The following DLG2 variants were observed in gnomAD, a reference collection of about 807,000 sequenced individuals.
DLG2 encodes the protein disks large homolog 2.
DLG2 carries 45 observed loss-of-function variants against 132.5 expected under a neutral mutation model. That is an observed-to-expected ratio of 0.34 (90% CI 0.27 to 0.44). The LOEUF (loss-of-function observed/expected upper bound fraction) is 0.44. DLG2 is among the 20% of genes least tolerant of loss of function. The probability of loss-of-function intolerance (pLI) is 1.00; values close to 1 mark genes in which losing one functional copy is unlikely to be tolerated. For synonymous variants in DLG2, 424 were observed against 419.6 expected (o/e 1.01, Z -0.13); for missense variants, 1,045 against 1,196.9 (o/e 0.87, Z 1.87).
At position 85,389,906 on chromosome 11, in the gene DLG2, C is replaced by T. The variant is rs552328972; in HGVS notation, c.41-104541G>A. On this transcript the variant is annotated intron_variant, in intron 3 of 27. Transcript: ENST00000376104. The stretch of plus-strand genomic sequence containing the variant: ...TCCTTGAAATACACCAAAATAGGAT[C>T]TCCTTAAGGCATGAATCTCACAGGA... Among the ~76,000 whole-genome samples the T allele has an allele frequency of 1.1e-4, 16 of 152,204 alleles. No individual in the cohort carries two copies. In the South Asian group the frequency reaches 2.5e-3, roughly 24 times the overall value.
At chr11:84,525,405 T>A (rs892643034) in intron 7 of DLG2, among the ~76,000 whole-genome samples, 1 of 152,180 alleles carries the variant, frequency 6.6e-6, no homozygotes, top group Non-Finnish European at 1.5e-5. Flanking sequence ...GGTCAAATTT[T>A]AAAAATTGTA....
At chr11:83,703,651 A>G (rs1301211922) in intron 18 of DLG2, among the ~76,000 whole-genome samples, 1 of 152,214 alleles carries the variant, frequency 6.6e-6, no homozygotes, top group African/African-American at 2.4e-5. Flanking sequence ...CTCTGTCTCA[A>G]AAAAAATCAA....
intron 6 of DLG2, among the ~76,000 whole-genome samples, chr11:84,612,711 AAGT>A (rs2099597523): frequency 6.6e-6 from 1 of 152,158 alleles, no homozygotes; most frequent in African/African-American, 2.4e-5. Context: ...AATTAAAAAG[AAGT>A]AATAATATTT....
intron 3 of DLG2, among the ~76,000 whole-genome samples, chr11:85,347,927 C>T (rs1013488082): frequency 4.7e-5 from 7 of 147,566 alleles, no homozygotes; most frequent in Admixed American, 1.4e-4. Context: ...CCTCAGCCTC[C>T]CAAGTAGTTG....
intron 6 of DLG2, among the ~76,000 whole-genome samples, chr11:85,054,043 G>T (rs1179262917): frequency 1.3e-5 from 2 of 151,814 alleles, no homozygotes; most frequent in African/African-American, 2.4e-5. Flanking sequence ...GAGGCGGGTG[G>T]ATCACAACGT....
rs113666112 is a variant in DLG2, at chr11:84,140,383, C to G, written c.624+23078G>C. Among the ~76,000 whole-genome samples the G allele has an allele frequency of 5.0e-3, 755 of 152,200 alleles. 6 individuals carry two copies. The highest frequency in any genetic ancestry group is 0.017 in the African/African-American group (721 of 41,534). On this transcript the variant is annotated intron_variant, in intron 9 of 27. Coordinates refer to ENST00000376104, the MANE Select transcript of DLG2 (RefSeq NM_001142699.3). Reference sequence around the variant, plus strand: ...AATATGAGATGTATCATAATATATACATTATGTCAAACAAGTAAAACAATA... The same window carrying G: ...AATATGAGATGTATCATAATATATAGATTATGTCAAACAAGTAAAACAATA...
At chr11:85,614,998 T>A (rs1334000405) in intron 2 of DLG2, among the ~76,000 whole-genome samples, 1 of 152,226 alleles carries the variant, frequency 6.6e-6, no homozygotes, top group Non-Finnish European at 1.5e-5. Context: ...TTCTTTGCAA[T>A]TATACTTTAC....
At chr11:84,278,650 T>C (rs920193126) in intron 7 of DLG2, among the ~76,000 whole-genome samples, 3 of 152,150 alleles carry the variant, frequency 2.0e-5, no homozygotes, top group African/African-American at 7.2e-5. Context: ...GTAGGCTTTA[T>C]CCTGGGAATA....
chr11:83,457,419 T>C lies in DLG2; in HGVS notation c.*2399A>G, dbSNP rs983908845. The C allele has an allele frequency of 6.6e-6, 1 of 152,606 alleles. No individual in the cohort carries two copies. Among genetic ancestry groups the C allele is most frequent in the South Asian group, 2.1e-4 (1 of 4,830 alleles). The allele number at this position is 152,606 out of a possible 1,614,324, so 9.5% of individuals were successfully genotyped here. A position where few individuals can be genotyped will look rare whatever the true frequency, so the allele number is the denominator to read the frequency against. On this transcript the variant is annotated 3_prime_UTR_variant, in exon 28 of 28. Coordinates refer to ENST00000376104, the MANE Select transcript of DLG2 (RefSeq NM_001142699.3). ...TTCTTCAAGCAAATATATATGTATC[T>C]ATATATTTATATAAATCTACATAAA...
intron 9 of DLG2, among the ~76,000 whole-genome samples, chr11:84,141,711 A>G (rs1210450067): frequency 6.6e-6 from 1 of 152,094 alleles, no homozygotes; most frequent in Admixed American, 6.6e-5. Context: ...TTATTTAACT[A>G]CTAGAGGCTC....
chr11:83,675,526 A>G (rs2077530222), intron 18 of DLG2, among the ~76,000 whole-genome samples: 1 of 152,218 alleles, frequency 6.6e-6, no homozygotes, highest in South Asian at 2.1e-4. Flanking sequence ...TGTTCAAAAT[A>G]CAATAATTCT....
At chr11:85,363,072 A>G (rs1016527095) in intron 3 of DLG2, among the ~76,000 whole-genome samples, 8 of 152,244 alleles carry the variant, frequency 5.3e-5, no homozygotes, top group Non-Finnish European at 1.0e-4. Context: ...ATTAGTGAAC[A>G]AAAGAGTGTT....
At chr11:84,543,987 C>G in intron 6 of DLG2, among the ~76,000 whole-genome samples, 1 of 152,204 alleles carries the variant, frequency 6.6e-6, no homozygotes, top group East Asian at 1.9e-4. Flanking sequence ...TAATTACCTA[C>G]TATGGACTAG....
intron 26 of DLG2, among the ~76,000 whole-genome samples, chr11:83,466,240 G>T (rs2091015029): frequency 6.6e-6 from 1 of 151,542 alleles, no homozygotes; most frequent in Non-Finnish European, 1.5e-5. Flanking sequence ...AACGTTGTCT[G>T]CTCTCTCTAT....
At position 84,666,942 on chromosome 11, in the gene DLG2, T is replaced by C. The variant is rs572914967; in HGVS notation, c.358-132211A>G. 1.8e-3 allele frequency among the ~76,000 whole-genome samples: 270 copies of C among 152,288 alleles called. 2 individuals are homozygous for C. The highest frequency in any genetic ancestry group is 2.1e-3 in the Non-Finnish European group (145 of 68,016). ...TGCACTACTGAATATCAGCTTCATTTCATGGTAGAGAAAATTTATGTGTTG... is the reference window on the plus strand; with the variant it reads ...TGCACTACTGAATATCAGCTTCATTCCATGGTAGAGAAAATTTATGTGTTG... On this transcript the variant is annotated intron_variant, in intron 6 of 27. Transcript: ENST00000376104.
intron 7 of DLG2, among the ~76,000 whole-genome samples, chr11:84,351,840 A>G (rs1285765301): frequency 6.6e-6 from 1 of 152,192 alleles, no homozygotes; most frequent in Non-Finnish European, 1.5e-5. Flanking sequence ...GGAGAAGTAG[A>G]ATGGACGCAC....
chr11:84,889,876 C>T (rs1023284403), intron 6 of DLG2, among the ~76,000 whole-genome samples: 2 of 152,148 alleles, frequency 1.3e-5, no homozygotes, highest in African/African-American at 4.8e-5. Context: ...TTTGCCAAGA[C>T]ACATGGCAGA....
chr11:85,273,253 T>C (rs1263814477), intron 4 of DLG2, among the ~76,000 whole-genome samples: 1 of 151,844 alleles, frequency 6.6e-6, no homozygotes, highest in Non-Finnish European at 1.5e-5. Context: ...AATTGACAAA[T>C]GGGATCTAAT....
intron 3 of DLG2, among the ~76,000 whole-genome samples, chr11:85,378,548 G>A (rs1306009965): frequency 1.3e-5 from 2 of 151,934 alleles, no homozygotes; most frequent in Non-Finnish European, 2.9e-5. Flanking sequence ...ATCATCCTTA[G>A]CTGTTAAATA....
Sources: gnomAD v4.1 joint callset for allele counts (sites outside exome capture counted in the v4.1 genomes callset) on GRCh38, gnomAD v4.1.1 for gene constraint, MANE v1.5 for transcripts, NCBI Gene and HGNC (gene_info 2026-07-23, HGNC 2026-07-21) for gene names.